Variants in RAB28 observed in about 807,000 individuals in gnomAD.
RAB28 encodes the protein RAB28, member RAS oncogene family.
Under a neutral mutation model 31.7 loss-of-function variants are expected in RAB28, and 24 were observed. That is an observed-to-expected ratio of 0.76 (90% CI 0.55 to 1.06). The LOEUF is 1.06. RAB28 is among the 50% of genes least tolerant of loss of function. The pLI is 0.00. For missense variants in RAB28, 254 were observed against 258.5 expected, an observed-to-expected ratio of 0.98 and a Z score of 0.12; for synonymous variants, 100 against 90.4, an observed-to-expected ratio of 1.11 and a Z score of -0.60.
chr4:13,430,109 GCT>G (rs1215255454), intron 4 of RAB28, among the ~76,000 whole-genome samples: 4 of 152,038 alleles, frequency 2.6e-5, no homozygotes, highest in Non-Finnish European at 5.9e-5. Flanking sequence ...CACAAATAAT[GCT>G]AAGAAAATAG....
At chr4:13,417,343 T>C (rs1207392164) in intron 4 of RAB28, among the ~76,000 whole-genome samples, 1 of 152,148 alleles carries the variant, frequency 6.6e-6, no homozygotes, top group Non-Finnish European at 1.5e-5. Context: ...GCAGAAACTT[T>C]TGCACACTTA....
intron 4 of RAB28, among the ~76,000 whole-genome samples, chr4:13,424,282 T>C (rs1014197239): frequency 1.3e-5 from 2 of 152,204 alleles, no homozygotes; most frequent in African/African-American, 4.8e-5. Flanking sequence ...CCAAGTGCCA[T>C]CTGAAGGCTC....
At chr4:13,403,248 A>G (rs1412125939) in intron 4 of RAB28, among the ~76,000 whole-genome samples, 1 of 152,228 alleles carries the variant, frequency 6.6e-6, no homozygotes, top group Non-Finnish European at 1.5e-5. Context: ...TTCAGGTGTC[A>G]TAAATTACAC....
intron 5 of RAB28, among the ~76,000 whole-genome samples, chr4:13,377,917 T>A (rs567422804): frequency 6.6e-6 from 1 of 152,286 alleles, no homozygotes; most frequent in East Asian, 1.9e-4. Context: ...TTTTTTGGCC[T>A]GAGCAACTGG....
Position 13,444,129 on chromosome 4 carries a change from G to A in RAB28, c.391+16570C>T, listed in dbSNP as rs1007914556. Among the ~76,000 whole-genome samples, 13 of 151,138 alleles carry A rather than the reference G, an allele frequency of 8.6e-5. No homozygotes were observed. In the East Asian group the frequency reaches 1.2e-3, roughly 14 times the overall value. ...TGCAAGCTCCGCCTCCCGGGTTCAC[G>A]CCATTCTCCTGCCTCAGCCTCCCGA... On this transcript the variant is annotated intron_variant, in intron 4 of 6. Transcript: ENST00000330852.
chr4:13,406,098 C>T (rs1712065967), intron 4 of RAB28, among the ~76,000 whole-genome samples: 1 of 151,822 alleles, frequency 6.6e-6, no homozygotes, highest in South Asian at 2.1e-4. Context: ...GTTTGCTGCA[C>T]CCATCAACTC....
At chr4:13,454,755 A>C (rs1384730534) in intron 4 of RAB28, among the ~76,000 whole-genome samples, 1 of 152,124 alleles carries the variant, frequency 6.6e-6, no homozygotes, top group East Asian at 1.9e-4. Flanking sequence ...TCTGGTTTGC[A>C]GTCTGTTATT....
chr4:13,479,461 C>T lies in RAB28; in HGVS notation c.141G>A (p.Leu47=). ...FGKQYKQTIG[L]DFFLRRITLP... ...ATGTTATCCTTCTCAAAAAGAAATCCAGTCCTATAGTTTGTTTGTACTGTT... is the reference window on the plus strand; with the variant it reads ...ATGTTATCCTTCTCAAAAAGAAATCTAGTCCTATAGTTTGTTTGTACTGTT... The change falls in exon 2 of 7, where the codon CTG becomes CTA. Residue 47 remains leucine (L), a synonymous_variant. Coordinates refer to ENST00000330852, the MANE Select transcript of RAB28 (RefSeq NM_001017979.3). 1 of 1,607,376 alleles carries T rather than the reference C, an allele frequency of 6.2e-7. No individual in the cohort carries two copies. Among genetic ancestry groups the T allele is most frequent in the East Asian group, 2.2e-5 (1 of 44,600 alleles).
At chr4:13,411,817 T>C (rs769901205) in intron 4 of RAB28, among the ~76,000 whole-genome samples, 15 of 151,566 alleles carry the variant, frequency 9.9e-5, no homozygotes, top group African/African-American at 1.5e-4. Context: ...AAAAGAAAAA[T>C]GTATTAGACA....
At chr4:13,404,707 T>C (rs1352736125) in intron 4 of RAB28, among the ~76,000 whole-genome samples, 1 of 152,146 alleles carries the variant, frequency 6.6e-6, no homozygotes, top group Non-Finnish European at 1.5e-5. Context: ...CTTATGGATA[T>C]ATAAATGGCA....
At chr4:13,428,146 G>A (rs1423492842) in intron 4 of RAB28, among the ~76,000 whole-genome samples, 1 of 152,222 alleles carries the variant, frequency 6.6e-6, no homozygotes, top group Non-Finnish European at 1.5e-5. Flanking sequence ...TAACCAGTTA[G>A]GTCAGGGGTC....
chr4:13,415,996 T>C lies in RAB28; in HGVS notation c.392-34402A>G, dbSNP rs533555025. On this transcript the variant is annotated intron_variant, in intron 4 of 6. Transcript: ENST00000330852. Reference sequence around the variant, plus strand: ...TTTGTGAATGTACCAATCGACACTCTGTATCTAGCTACTCTGTTAGGGACT... The same window carrying C: ...TTTGTGAATGTACCAATCGACACTCCGTATCTAGCTACTCTGTTAGGGACT... 2.1e-4 allele frequency among the ~76,000 whole-genome samples: 32 copies of C among 152,310 alleles called. No homozygotes were observed. In the East Asian group the frequency reaches 6.2e-3, roughly 29 times the overall value.
At chr4:13,388,224 G>C (rs2108888039) in intron 4 of RAB28, among the ~76,000 whole-genome samples, 2 of 152,016 alleles carry the variant, frequency 1.3e-5, no homozygotes, top group Middle Eastern at 6.8e-3. Context: ...CACATATATG[G>C]CCAAATGATC....
intron 4 of RAB28, among the ~76,000 whole-genome samples, chr4:13,391,554 G>A (rs1729630457): frequency 1.3e-5 from 2 of 152,080 alleles, no homozygotes; most frequent in African/African-American, 4.8e-5. Context: ...CCCACTACTG[G>A]CTATATACCC....
intron 4 of RAB28, among the ~76,000 whole-genome samples, chr4:13,383,725 T>G (rs1729236992): frequency 6.6e-6 from 1 of 152,122 alleles, no homozygotes; most frequent in Admixed American, 6.5e-5. Context: ...GTAAATAAGT[T>G]CTCATGAGAT....
At chr4:13,412,268 C>CA (rs34935420) in intron 4 of RAB28, among the ~76,000 whole-genome samples, 136,295 of 152,026 alleles carry the variant, frequency 0.9, 61,675 homozygotes, top group Non-Finnish European at 0.95. Context: ...ATCCAGGTGG[C>CA]GCAAGAGTTT....
intron 4 of RAB28, among the ~76,000 whole-genome samples, chr4:13,382,242 G>A (rs980552650): frequency 1.3e-5 from 2 of 152,188 alleles, no homozygotes; most frequent in African/African-American, 4.8e-5. Context: ...GCAAGGCACA[G>A]TACTCATATC....
intron 6 of RAB28, chr4:13,370,361 T>C: frequency 1.1e-6 from 1 of 938,604 alleles, no homozygotes; most frequent in Non-Finnish European, 1.3e-6. Context: ...AATAAAAGGA[T>C]TAATTCCATT....
rs1199752067 is a variant in RAB28 at position 13,367,994 on chromosome 4, T to C, written c.*564A>G. 1 of 971,122 alleles carries C rather than the reference T, an allele frequency of 1.0e-6. No homozygotes were observed. The highest frequency in any genetic ancestry group is 1.1e-4 in the East Asian group (1 of 8,756). The allele number at this position is 971,122 out of a possible 1,614,324, so 60.2% of individuals were successfully genotyped here. On this transcript the variant is annotated 3_prime_UTR_variant, in exon 7 of 7. Transcript: ENST00000330852. ...ACAATATAAACAATTTAGGCCCTTT[T>C]TTAAAAAATGAAAAAATATTTCTAT...
Sources: allele counts gnomAD v4.1 joint callset (sites outside exome capture counted in the v4.1 genomes callset), GRCh38; gene constraint gnomAD v4.1.1; transcripts MANE v1.5; gene names NCBI Gene and HGNC (gene_info 2026-07-23, HGNC 2026-07-21).